Variants in DKK2 observed in about 807,000 individuals in gnomAD.
DKK2 encodes dickkopf Wnt signaling pathway inhibitor 2.
A neutral mutation model predicts 28.1 loss-of-function variants in DKK2; 11 were observed. The ratio of observed to expected loss-of-function variants is 0.39; its 90% CI spans 0.25 to 0.65. The LOEUF is 0.65. DKK2 is among the 30% of genes least tolerant of loss of function. The pLI is 0.47. For missense variants in DKK2, 326 were observed against 335.5 expected (o/e 0.97, Z 0.22); for synonymous variants, 135 against 126.5 (o/e 1.07, Z -0.45).
chr4:107,024,332 C>G (rs574970345), intron 1 of DKK2, among the ~76,000 whole-genome samples: 1 of 152,124 alleles, frequency 6.6e-6, no homozygotes, highest in South Asian at 2.1e-4. Flanking sequence ...TAACAGCAGG[C>G]AAGAAAGCTG....
intron 1 of DKK2, among the ~76,000 whole-genome samples, chr4:106,953,727 C>G (rs1722537893): frequency 1.3e-5 from 2 of 151,696 alleles, no homozygotes; most frequent in South Asian, 4.1e-4. Flanking sequence ...ACTTTAACCT[C>G]TTTCTGACAT....
Position 106,936,128 on chromosome 4 carries a change from C to T in DKK2, c.223-10179G>A, listed in dbSNP as rs1402161430. Among the ~76,000 whole-genome samples the T allele has an allele frequency of 7.9e-5, 12 of 152,248 alleles. No individual in the cohort carries two copies. The East Asian group carries it at 2.1e-3, about 27-fold the overall frequency. On this transcript the variant is annotated intron_variant, in intron 1 of 3. Transcript: ENST00000285311. ...AAAGCTGGATGGAGAATGACTTTGA[C>T]GAGCTGAGAGAAGAAGGCTTCAGAC...
At chr4:106,963,139 G>A (rs1397525287) in intron 1 of DKK2, among the ~76,000 whole-genome samples, 2 of 151,922 alleles carry the variant, frequency 1.3e-5, no homozygotes, top group Non-Finnish European at 2.9e-5. Context: ...CGGATCACTA[G>A]GTCAGGAGTT....
chr4:106,983,359 A>AGAAAGAAAGAAAGAAAGAAAGAAT (rs1560585837), intron 1 of DKK2, among the ~76,000 whole-genome samples: 3 of 141,232 alleles, frequency 2.1e-5, no homozygotes, highest in African/African-American at 7.7e-5. Flanking sequence ...AAAGAAAGAA[A>AGAAAGAAAGAAAGAAAGAAAGAAT]GAAAGAAAGA....
rs181986919 is a variant in DKK2 at position 107,025,288 on chromosome 4, C to T, written c.222+10082G>A. 1.7e-3 allele frequency among the ~76,000 whole-genome samples: 251 copies of T among 152,038 alleles called. 1 individual carries two copies. The highest frequency in any genetic ancestry group is 6.8e-3 in the Admixed American group (104 of 15,288). ...AGGGAAGGGCCGTAGTCTAATGGGTCGGTGGTATTCAAATCAATTCAATGA... is the reference window on the plus strand; with the variant it reads ...AGGGAAGGGCCGTAGTCTAATGGGTTGGTGGTATTCAAATCAATTCAATGA... On this transcript the variant is annotated intron_variant, in intron 1 of 3. Transcript: ENST00000285311.
intron 1 of DKK2, among the ~76,000 whole-genome samples, chr4:106,957,984 T>G (rs972237273): frequency 1.4e-4 from 21 of 150,782 alleles, no homozygotes; most frequent in Admixed American, 1.2e-3. Context: ...CCAAGAGTAA[T>G]AATTCTTTAG....
At chr4:106,936,832 A>ATTT (rs1387033251) in intron 1 of DKK2, among the ~76,000 whole-genome samples, 1 of 151,382 alleles carries the variant, frequency 6.6e-6, no homozygotes, top group African/African-American at 2.4e-5. Context: ...AAAGAAAAGA[A>ATTT]TTTTCAACCC....
chr4:107,021,484 G>A (rs1455406418), intron 1 of DKK2, among the ~76,000 whole-genome samples: 2 of 152,066 alleles, frequency 1.3e-5, no homozygotes, highest in South Asian at 4.2e-4. Context: ...TTTTAAATGT[G>A]CGTCTTTATC....
chr4:106,977,454 C>A (rs979482424), intron 1 of DKK2, among the ~76,000 whole-genome samples: 1 of 152,048 alleles, frequency 6.6e-6, no homozygotes, highest in Non-Finnish European at 1.5e-5. Context: ...ATTCTTTTTT[C>A]TCTATTCTTG....
chr4:107,029,548 T>C (rs149161212), intron 1 of DKK2, among the ~76,000 whole-genome samples: 1 of 152,150 alleles, frequency 6.6e-6, no homozygotes, highest in African/African-American at 2.4e-5. Context: ...TTATAAGTTA[T>C]TGTGTGCCGT....
intron 1 of DKK2, among the ~76,000 whole-genome samples, chr4:107,026,032 TG>T (rs1284289733): frequency 2.0e-5 from 3 of 152,218 alleles, no homozygotes; most frequent in Non-Finnish European, 4.4e-5. Context: ...TATAGTACAT[TG>T]GGCAGATCAT....
intron 1 of DKK2, among the ~76,000 whole-genome samples, chr4:106,976,886 T>C (rs1195575563): frequency 2.6e-5 from 4 of 152,136 alleles, no homozygotes; most frequent in African/African-American, 9.7e-5. Context: ...CTGTTTTTTC[T>C]ATTCCATATT....
At chr4:106,927,388 T>A (rs1346321649) in intron 1 of DKK2, among the ~76,000 whole-genome samples, 3 of 152,196 alleles carry the variant, frequency 2.0e-5, no homozygotes, top group Non-Finnish European at 4.4e-5. Flanking sequence ...AATGTGAAGT[T>A]TATGTACGAG....
chr4:106,959,240 A>G (rs868031027), intron 1 of DKK2, among the ~76,000 whole-genome samples: 14 of 152,140 alleles, frequency 9.2e-5, no homozygotes, highest in South Asian at 6.2e-4. Flanking sequence ...GTAGATTAGG[A>G]ATGAAATATC....
intron 1 of DKK2, among the ~76,000 whole-genome samples, chr4:106,975,833 G>A (rs1722937200): frequency 6.6e-6 from 1 of 152,028 alleles, no homozygotes; most frequent in Non-Finnish European, 1.5e-5. Context: ...TGTAATATTA[G>A]GGTGCTGATT....
chr4:107,023,820 C>T (rs192695656), intron 1 of DKK2, among the ~76,000 whole-genome samples: 48 of 152,092 alleles, frequency 3.2e-4, no homozygotes, highest in African/African-American at 9.9e-4. Context: ...AACCTATTAA[C>T]AATAATTTAA....
intron 1 of DKK2, among the ~76,000 whole-genome samples, chr4:106,939,380 A>G (rs1724655163): frequency 1.3e-5 from 2 of 152,236 alleles, no homozygotes; most frequent in Non-Finnish European, 2.9e-5. Context: ...AGAATAAAAT[A>G]CCTAGGAATC....
intron 1 of DKK2, among the ~76,000 whole-genome samples, chr4:107,004,819 A>T (rs1199243887): frequency 6.6e-6 from 1 of 152,190 alleles, no homozygotes; most frequent in Non-Finnish European, 1.5e-5. Context: ...TCCAGGCTAT[A>T]GTGAAAGAGA....
At chr4:107,000,182 T>A (rs1428657329) in intron 1 of DKK2, among the ~76,000 whole-genome samples, 5 of 152,196 alleles carry the variant, frequency 3.3e-5, no homozygotes, top group South Asian at 2.1e-4. Flanking sequence ...TCTCATTTTT[T>A]AAAAAAGTCT....
Sources: gnomAD v4.1 joint callset for allele counts (sites outside exome capture counted in the v4.1 genomes callset) on GRCh38, gnomAD v4.1.1 for gene constraint, MANE v1.5 for transcripts, NCBI Gene and HGNC (gene_info 2026-07-23, HGNC 2026-07-21) for gene names.